Variants in IQANK1 observed in about 807,000 individuals in gnomAD.
IQANK1 encodes IQ motif and ankyrin repeat containing 1, also known as IQ motif and ankyrin repeat domain-containing protein 1.
Under a neutral mutation model 22.6 loss-of-function variants are expected in IQANK1, and 30 were observed. The observed-to-expected ratio is 1.33, with a 90% CI of 0.99 to 1.80. The LOEUF (loss-of-function observed/expected upper bound fraction) is 1.80. IQANK1 is among the 40% of genes most tolerant of loss of function. The probability of loss-of-function intolerance (pLI) is 0.00; values close to 1 mark genes in which losing one functional copy is unlikely to be tolerated. For missense variants in IQANK1, 275 were observed against 235.2 expected, an observed-to-expected ratio of 1.17 and a Z score of -1.11; for synonymous variants, 122 against 99.6, an observed-to-expected ratio of 1.23 and a Z score of -1.34.
chr8:143,777,701 C>G (rs1819716114), intron 7 of IQANK1, among the ~76,000 whole-genome samples: 1 of 151,482 alleles, frequency 6.6e-6, no homozygotes. Flanking sequence ...GCAACTACTA[C>G]AATATCAAAA....
At chr8:143,767,728 T>C (rs1313428981) in intron 3 of IQANK1, among the ~76,000 whole-genome samples, 1 of 151,782 alleles carries the variant, frequency 6.6e-6, no homozygotes, top group Non-Finnish European at 1.5e-5. Context: ...TTGACACTTT[T>C]GAAGAATGAA....
chr8:143,770,025 CG>C, intron 3 of IQANK1, among the ~76,000 whole-genome samples: 1 of 152,222 alleles, frequency 6.6e-6, no homozygotes, highest in East Asian at 1.9e-4. Flanking sequence ...TTGCCGGAAC[CG>C]GGGAAGTGGA....
chr8:143,740,558 G>C (rs1554626339), intron 3 of IQANK1, among the ~76,000 whole-genome samples: 1 of 152,218 alleles, frequency 6.6e-6, no homozygotes, highest in East Asian at 1.9e-4. Context: ...TTCTGCGCTG[G>C]TGCCGCGGGA....
intron 3 of IQANK1, among the ~76,000 whole-genome samples, chr8:143,763,392 G>A (rs1819429749): frequency 6.6e-6 from 1 of 152,170 alleles, no homozygotes. Context: ...GTGAGACCCT[G>A]CTCTAAGTAT....
intron 3 of IQANK1, among the ~76,000 whole-genome samples, chr8:143,763,826 T>C (rs961223265): frequency 2.0e-5 from 3 of 152,174 alleles, no homozygotes; most frequent in Non-Finnish European, 4.4e-5. Context: ...ACTAACACAT[T>C]AGCCAATTGA....
Position 143,739,755 on chromosome 8 carries a change from T to G in IQANK1, c.86-104T>G, listed in dbSNP as rs1267298380. 6.9e-6 allele frequency: 4 copies of G among 579,428 alleles called. No individual in the cohort carries two copies. In the East Asian group the frequency reaches 1.2e-4, roughly 18 times the overall value. 35.9% of individuals were successfully genotyped at this position (579,428 alleles called of 1,614,324 possible). ...GGAGGCCCGGGTGGGGGGCTCCCTG[T>G]CTGCCAGGACGCACGGCCCTTTCGG... On this transcript the variant is annotated intron_variant, in intron 2 of 13. Transcript: ENST00000527139.
At chr8:143,772,684 C>T (rs1020123032) in intron 7 of IQANK1, among the ~76,000 whole-genome samples, 1 of 152,200 alleles carries the variant, frequency 6.6e-6, no homozygotes, top group Non-Finnish European at 1.5e-5. Flanking sequence ...TTCCTAGCCC[C>T]GCCGTGCGCC....
In IQANK1 at chr8:143,790,227, CCT is replaced by C. The variant is rs1303357618; in HGVS notation, c.1381_1382del (p.Leu461GlufsTer54). On this transcript the variant is annotated frameshift_variant, in exon 13 of 14. Coordinates refer to ENST00000527139, the MANE Select transcript of IQANK1 (RefSeq NM_001381874.1). LOFTEE classifies it low-confidence loss of function (END_TRUNC). ...ATGTGGACACGGTGAACCCGGAGCC[CCT>C]GAGGCCGGAGACGATGTGGCTGGCT... ...NYVDTVNPEP[L>X]RPETMWLALL... The C allele has an allele frequency of 2.4e-6, 3 of 1,232,164 alleles. No individual in the cohort carries two copies. Among genetic ancestry groups the C allele is most frequent in the Non-Finnish European group, 3.0e-6 (3 of 988,038 alleles). 76.3% of individuals were successfully genotyped at this position (1,232,164 alleles called of 1,614,324 possible).
chr8:143,761,000 C>G (rs1002092841), intron 3 of IQANK1, among the ~76,000 whole-genome samples: 1 of 152,174 alleles, frequency 6.6e-6, no homozygotes, highest in African/African-American at 2.4e-5. Flanking sequence ...CACCAGGGAC[C>G]TCCTGGTGCG....
chr8:143,772,434 C>T lies in IQANK1; in HGVS notation c.741C>T (p.Leu247=), dbSNP rs2129910699. The part of the protein sequence containing the change: ...HLAAVEVLLK[L]GADPRVYAED... ...CAGCTGTGGAGGTGCTCCTGAAGCTCGGAGCAGACCCCCGGGTGTACGCAG... is the reference window on the plus strand; with the variant it reads ...CAGCTGTGGAGGTGCTCCTGAAGCTTGGAGCAGACCCCCGGGTGTACGCAG... The change falls in exon 7 of 14, where the codon CTC becomes CTT. Residue 247 remains leucine, a synonymous_variant. Transcript: ENST00000527139. 3 of 399,346 alleles carry T rather than the reference C, an allele frequency of 7.5e-6. No homozygotes were observed. The highest frequency in any genetic ancestry group is 6.3e-4 in the Middle Eastern group (1 of 1,592). 24.7% of individuals were successfully genotyped at this position (399,346 alleles called of 1,614,324 possible). A position where few individuals can be genotyped will look rare whatever the true frequency, so the allele number is the denominator to read the frequency against.
chr8:143,782,974 A>G (rs1165679142), intron 7 of IQANK1, among the ~76,000 whole-genome samples: 1 of 152,172 alleles, frequency 6.6e-6, no homozygotes, highest in Non-Finnish European at 1.5e-5. Context: ...CACAGGCTAT[A>G]TTCGTGAGAT....
chr8:143,745,794 T>G (rs886743813), intron 3 of IQANK1: 6 of 152,208 alleles, frequency 3.9e-5, no homozygotes, highest in Admixed American at 3.3e-4. Flanking sequence ...TGCAGTGTTG[T>G]GATCATGCCT....
intron 3 of IQANK1, among the ~76,000 whole-genome samples, chr8:143,748,100 T>G (rs1554627436): frequency 6.6e-6 from 1 of 151,874 alleles, no homozygotes; most frequent in Non-Finnish European, 1.5e-5. Context: ...GCTCAAGCGA[T>G]TCTCCTGTCT....
intron 7 of IQANK1, among the ~76,000 whole-genome samples, chr8:143,783,827 T>A (rs2129945057): frequency 6.8e-6 from 1 of 147,042 alleles, no homozygotes; most frequent in African/African-American, 2.5e-5. Context: ...CCACAGTCTT[T>A]GTGAAAGACT....
intron 7 of IQANK1, 107 bp from the exon 8 acceptor site, chr8:143,788,808 C>T (rs1819946581): frequency 2.5e-6 from 1 of 397,882 alleles, no homozygotes; most frequent in Non-Finnish European, 4.4e-6. Flanking sequence ...GAGGCCCTTT[C>T]TGCATAATGG....
intron 3 of IQANK1, among the ~76,000 whole-genome samples, chr8:143,741,145 T>C (rs546086378): frequency 6.6e-6 from 1 of 152,186 alleles, no homozygotes; most frequent in Non-Finnish European, 1.5e-5. Flanking sequence ...TCTTCTGCTC[T>C]CAGTGTCAGG....
intron 3 of IQANK1, among the ~76,000 whole-genome samples, chr8:143,749,580 A>T (rs1453711131): frequency 7.1e-5 from 9 of 126,236 alleles, no homozygotes; most frequent in South Asian, 2.5e-4. Flanking sequence ...TCATATATAT[A>T]TATTTTATTT....
intron 3 of IQANK1, among the ~76,000 whole-genome samples, chr8:143,741,493 C>T (rs1193983647): frequency 6.6e-5 from 10 of 152,086 alleles, no homozygotes; most frequent in Non-Finnish European, 1.0e-4. Context: ...GCAGGGCTGC[C>T]GGGGGTGCTA....
chr8:143,762,469 G>A (rs782109605), intron 3 of IQANK1, among the ~76,000 whole-genome samples: 2 of 152,192 alleles, frequency 1.3e-5, no homozygotes, highest in Non-Finnish European at 2.9e-5. Flanking sequence ...TCACTAGGCA[G>A]CCAGGGCATC....
Sources: allele counts gnomAD v4.1 joint callset (sites outside exome capture counted in the v4.1 genomes callset), GRCh38; gene constraint gnomAD v4.1.1; transcripts MANE v1.5; gene names NCBI Gene and HGNC (gene_info 2026-07-23, HGNC 2026-07-21).